DGKI: variants seen among roughly 807,000 people sequenced by gnomAD.
DGKI encodes diacylglycerol kinase iota, also known as DAG kinase iota.
In DGKI, 55 loss-of-function variants were observed where a neutral mutation model predicts 147.5. The observed-to-expected ratio is 0.37, with a 90% confidence interval of 0.30 to 0.47. The LOEUF (loss-of-function observed/expected upper bound fraction) is 0.47, where lower values mean the gene tolerates loss of function less well. Among genes scored for constraint, DGKI ranks in the 20% least tolerant of loss-of-function variants. DGKI has a pLI of 1.00. For missense variants in DGKI, 1,007 were observed against 1,323.8 expected (o/e 0.76, Z 3.71); for synonymous variants, 469 against 477.1 (o/e 0.98, Z 0.22).
At position 137,611,245 on chromosome 7, in the gene DGKI, C is replaced by A. The variant is rs116771402; in HGVS notation, c.994-1636G>T. 8.4e-3 allele frequency among the ~76,000 whole-genome samples: 1,282 copies of A among 152,250 alleles called. 25 individuals are homozygous for A. Among genetic ancestry groups the A allele is most frequent in the African/African-American group, 0.029 (1,212 of 41,546 alleles). ...AAGAAGAATGCTAGAAACCACGAGG[C>A]TGGCAGGAACAGTATGTATTTGGTG... is the stretch of plus-strand genomic sequence containing the variant. On this transcript the variant is annotated intron_variant, in intron 8 of 32. Transcript: ENST00000614521.
chr7:137,770,057 A>G (rs1391713737), intron 1 of DGKI, among the ~76,000 whole-genome samples: 1 of 152,224 alleles, frequency 6.6e-6, no homozygotes, highest in African/African-American at 2.4e-5. Context: ...ACAATAGCAA[A>G]GACTTAGAAC....
At chr7:137,731,635 T>C (rs1052490277) in intron 1 of DGKI, among the ~76,000 whole-genome samples, 4 of 152,120 alleles carry the variant, frequency 2.6e-5, no homozygotes, top group African/African-American at 9.7e-5. Flanking sequence ...AATGACACTA[T>C]CTTGACTCAC....
intron 1 of DGKI, among the ~76,000 whole-genome samples, chr7:137,734,959 C>G (rs1304750742): frequency 1.3e-5 from 2 of 152,042 alleles, no homozygotes; most frequent in Non-Finnish European, 2.9e-5. Context: ...GTCAATTTGC[C>G]CTTCTATATA....
intron 23 of DGKI, among the ~76,000 whole-genome samples, chr7:137,485,008 G>C (rs1815504123): frequency 6.6e-6 from 1 of 152,032 alleles, no homozygotes; most frequent in Non-Finnish European, 1.5e-5. Context: ...AGTGGAGTGT[G>C]AGCCATGACC....
At chr7:137,663,772 G>A (rs1310388811) in intron 3 of DGKI, among the ~76,000 whole-genome samples, 1 of 152,182 alleles carries the variant, frequency 6.6e-6, no homozygotes, top group African/African-American at 2.4e-5. Flanking sequence ...CAGAGTTACA[G>A]AGAGGTGGAG....
rs141032469 is a variant in DGKI, at chr7:137,846,454, G to T, written c.401+8C>A. 1.4e-3 allele frequency: 2,146 copies of T among 1,580,138 alleles called. 29 individuals carry two copies. In the African/African-American group the frequency reaches 0.026, roughly 19 times the overall value. ...CACCTGTCTCGGCTGCCGGCTCCCC[G>T]CACCTACCTGTACGAGACCTGCTTC... On this transcript the variant is annotated splice_region_variant and intron_variant, in intron 1 of 32. Coordinates refer to ENST00000614521, the MANE Select transcript of DGKI (RefSeq NM_001321708.2). The surrounding 1 kb of genome is among the most constrained non-coding windows in gnomAD (Gnocchi z 4.0).
chr7:137,487,208 T>A (rs1815596878), intron 22 of DGKI, among the ~76,000 whole-genome samples: 1 of 152,204 alleles, frequency 6.6e-6, no homozygotes, highest in African/African-American at 2.4e-5. Context: ...AAGTTTTATT[T>A]ATTTTTTTGT....
chr7:137,732,721 C>G (rs181347566), intron 1 of DGKI, among the ~76,000 whole-genome samples: 10 of 152,110 alleles, frequency 6.6e-5, no homozygotes, highest in African/African-American at 2.4e-4. Flanking sequence ...CCTTCGGTTT[C>G]CTTCCTCCCT....
At chr7:137,454,862 G>C (rs935708705) in intron 27 of DGKI, 1 of 152,114 alleles carries the variant, frequency 6.6e-6, no homozygotes, top group Non-Finnish European at 1.5e-5. Flanking sequence ...AATCCATCTG[G>C]ATTTTGTAAA....
intron 19 of DGKI, among the ~76,000 whole-genome samples, chr7:137,565,620 T>C (rs1278475294): frequency 2.6e-5 from 4 of 152,176 alleles, no homozygotes; most frequent in Non-Finnish European, 4.4e-5. Context: ...ACTGAAATCT[T>C]TGGATTTCAT....
intron 8 of DGKI, among the ~76,000 whole-genome samples, chr7:137,618,127 C>CCATATATATATATATATATATATATA (rs1416867213): frequency 1.2e-4 from 2 of 16,194 alleles, no homozygotes; most frequent in Non-Finnish European, 6.2e-4. Flanking sequence ...TTCTAAAATA[C>CCATATATATATATATATATATATATA]TATATATATA....
At chr7:137,659,653 C>A (rs1339515783) in intron 3 of DGKI, among the ~76,000 whole-genome samples, 2 of 152,192 alleles carry the variant, frequency 1.3e-5, no homozygotes, top group Admixed American at 6.5e-5. Flanking sequence ...TCAGTAGGGG[C>A]CGGGAGCAGT....
At chr7:137,634,233 C>T (rs766630203) in intron 6 of DGKI, among the ~76,000 whole-genome samples, 3 of 152,120 alleles carry the variant, frequency 2.0e-5, no homozygotes, top group Non-Finnish European at 4.4e-5. Context: ...TTAAATGCTG[C>T]CAGCTTAGAA....
At chr7:137,410,261 T>C (rs943071568) in intron 29 of DGKI, among the ~76,000 whole-genome samples, 3 of 151,930 alleles carry the variant, frequency 2.0e-5, no homozygotes, top group Admixed American at 6.6e-5. Flanking sequence ...AAAAATTAGC[T>C]GGGTGTGGTG....
chr7:137,383,361 G>A lies in DGKI; in HGVS notation c.*7859C>T, dbSNP rs1437084505. 6.6e-6 allele frequency: 1 copy of A among 151,500 alleles called. No homozygotes were observed. Among genetic ancestry groups the A allele is most frequent in the Non-Finnish European group, 1.5e-5 (1 of 67,828 alleles). 9.4% of individuals were successfully genotyped at this position (151,500 alleles called of 1,614,324 possible). A position where few individuals can be genotyped will look rare whatever the true frequency, so the allele number is the denominator to read the frequency against. On this transcript the variant is annotated 3_prime_UTR_variant, in exon 33 of 33. Coordinates refer to ENST00000614521, the MANE Select transcript of DGKI (RefSeq NM_001321708.2). ...TTGTGTAAGCAAGGCAACTTTTTAG[G>A]GTCATGAAATCCCCGCTGCTAAGTG...
intron 1 of DGKI, among the ~76,000 whole-genome samples, chr7:137,833,640 G>A (rs905561355): frequency 2.6e-5 from 4 of 152,158 alleles, no homozygotes; most frequent in Non-Finnish European, 5.9e-5. Flanking sequence ...TGTCCTACCA[G>A]GGCACTGCCA....
At chr7:137,658,867 A>G (rs1157587243) in intron 3 of DGKI, among the ~76,000 whole-genome samples, 1 of 152,230 alleles carries the variant, frequency 6.6e-6, no homozygotes, top group Non-Finnish European at 1.5e-5. Context: ...ATGCACTAAC[A>G]TCATTCATAT....
At chr7:137,786,970 C>A (rs777137979) in intron 1 of DGKI, among the ~76,000 whole-genome samples, 1 of 152,076 alleles carries the variant, frequency 6.6e-6, no homozygotes, top group Non-Finnish European at 1.5e-5. Flanking sequence ...ATACAAAAAT[C>A]AACTCAAGAT....
chr7:137,664,465 T>C (rs548797190), intron 3 of DGKI, among the ~76,000 whole-genome samples: 3 of 151,722 alleles, frequency 2.0e-5, no homozygotes, highest in African/African-American at 4.8e-5. Flanking sequence ...ATGACAATTA[T>C]AGCTGAACAA....
Sources: allele counts gnomAD v4.1 joint callset (sites outside exome capture counted in the v4.1 genomes callset), GRCh38; gene constraint gnomAD v4.1.1; non-coding constraint Gnocchi (gnomAD v3.1); transcripts MANE v1.5; gene names NCBI Gene and HGNC (gene_info 2026-07-23, HGNC 2026-07-21).